GULP1: variants seen among roughly 807,000 people sequenced by gnomAD.
GULP1 encodes the protein PTB domain-containing engulfment adapter protein 1.
GULP1 carries 19 observed loss-of-function variants against 40.9 expected under a neutral mutation model. That is an observed-to-expected ratio of 0.46 (90% CI 0.32 to 0.68). The LOEUF is 0.68. Among genes scored for constraint, GULP1 ranks in the 30% least tolerant of loss-of-function variants. The pLI, the probability that GULP1 is intolerant of heterozygous loss-of-function variation, is 0.03. For missense variants in GULP1, 312 were observed against 362.2 expected (o/e 0.86, Z 1.12); for synonymous variants, 119 against 117.6 (o/e 1.01, Z -0.08).
intron 1 of GULP1, among the ~76,000 whole-genome samples, chr2:188,296,166 C>T (rs2034882203): frequency 6.6e-6 from 1 of 151,978 alleles, no homozygotes; most frequent in African/African-American, 2.4e-5. Flanking sequence ...GATCAGGAAA[C>T]TTAAGCTTTT....
chr2:188,580,555 A>C (rs1701098511), intron 9 of GULP1, among the ~76,000 whole-genome samples: 1 of 142,712 alleles, frequency 7.0e-6, no homozygotes. Context: ...TCCGTCTCAA[A>C]AAAAAAAAAA....
chr2:188,368,037 C>T (rs2047034306), intron 1 of GULP1, among the ~76,000 whole-genome samples: 1 of 151,912 alleles, frequency 6.6e-6, no homozygotes, highest in East Asian at 1.9e-4. Flanking sequence ...GCTTTCTATC[C>T]CTTCCTCTTC....
chr2:188,527,041 T>C (rs904228418), intron 5 of GULP1, among the ~76,000 whole-genome samples: 2 of 152,148 alleles, frequency 1.3e-5, no homozygotes, highest in Admixed American at 6.6e-5. Context: ...TCTCATTCTG[T>C]CCTTCTTCCC....
chr2:188,381,101 A>T (rs2048949638), intron 1 of GULP1, among the ~76,000 whole-genome samples: 1 of 152,092 alleles, frequency 6.6e-6, no homozygotes, highest in Non-Finnish European at 1.5e-5. Context: ...TTAAAATAAA[A>T]ATATGTTCAA....
chr2:188,587,773 T>G, intron 10 of GULP1, 82 bp from the exon 11 acceptor site: 1 of 754,860 alleles, frequency 1.3e-6, no homozygotes, highest in Admixed American at 2.2e-5. Context: ...AATATTCATT[T>G]ATATAATCCT....
chr2:188,428,576 G>A (rs943009949), intron 2 of GULP1, among the ~76,000 whole-genome samples: 3 of 152,056 alleles, frequency 2.0e-5, no homozygotes, highest in Non-Finnish European at 2.9e-5. Context: ...AAAGTGTATG[G>A]CACCTCGTTC....
intron 1 of GULP1, among the ~76,000 whole-genome samples, chr2:188,325,549 T>C (rs2040634645): frequency 6.6e-6 from 1 of 152,092 alleles, no homozygotes; most frequent in Non-Finnish European, 1.5e-5. Flanking sequence ...TGAATTTACT[T>C]TTTCATTATT....
intron 4 of GULP1, among the ~76,000 whole-genome samples, chr2:188,498,446 T>A (rs1216487828): frequency 6.6e-6 from 1 of 151,952 alleles, no homozygotes; most frequent in Non-Finnish European, 1.5e-5. Flanking sequence ...ATAGTCTTTT[T>A]GTGATCATTC....
intron 3 of GULP1, among the ~76,000 whole-genome samples, chr2:188,482,457 T>C (rs919374949): frequency 1.3e-5 from 2 of 151,822 alleles, no homozygotes; most frequent in African/African-American, 4.8e-5. Context: ...TAATACTGAT[T>C]CCAAATTTTA....
chr2:188,421,573 C>G (rs1291969669), intron 2 of GULP1, among the ~76,000 whole-genome samples: 2 of 152,024 alleles, frequency 1.3e-5, no homozygotes, highest in African/African-American at 4.8e-5. Context: ...TTTGAGTGCC[C>G]AATATGTGTC....
At chr2:188,357,403 T>C (rs751296441) in intron 1 of GULP1, among the ~76,000 whole-genome samples, 5 of 152,160 alleles carry the variant, frequency 3.3e-5, no homozygotes, top group Non-Finnish European at 7.4e-5. Flanking sequence ...GACTAGACAT[T>C]TCTCAAAAGA....
At position 188,524,753 on chromosome 2, in the gene GULP1, G is replaced by T. The variant is rs1050511700; in HGVS notation, c.162+1926G>T. 2.0e-5 allele frequency among the ~76,000 whole-genome samples: 3 copies of T among 151,208 alleles called. No homozygotes were observed. In the East Asian group the frequency reaches 5.8e-4, roughly 29 times the overall value. ...CTCTACTAAAAAAAAAGAGAAAAAAGAACCTTGCTCTTTGATCATACTTAC... is the reference window on the plus strand; with the variant it reads ...CTCTACTAAAAAAAAAGAGAAAAAATAACCTTGCTCTTTGATCATACTTAC... On this transcript the variant is annotated intron_variant, in intron 5 of 11. Transcript: ENST00000409830.
At position 188,363,342 on chromosome 2, in the gene GULP1, A is replaced by G. The variant is rs143273795; in HGVS notation, c.-171-20421A>G. On this transcript the variant is annotated intron_variant, in intron 1 of 11. Transcript: ENST00000409830. ...AATAATTTGTAGCCCTTAGAGTCCA[A>G]TGGATTGGAACTAGCAAAAGCAATG... 2.2e-3 allele frequency among the ~76,000 whole-genome samples: 330 copies of G among 152,204 alleles called. 5 individuals carry two copies. The highest frequency in any genetic ancestry group is 7.3e-3 in the African/African-American group (304 of 41,530).
intron 1 of GULP1, among the ~76,000 whole-genome samples, chr2:188,296,059 T>C (rs1304332398): frequency 6.6e-6 from 1 of 152,104 alleles, no homozygotes; most frequent in Non-Finnish European, 1.5e-5. Context: ...AATTCAAAGA[T>C]AGTTACAGAA....
intron 6 of GULP1, among the ~76,000 whole-genome samples, chr2:188,536,850 A>AT (rs1380918606): frequency 6.6e-6 from 1 of 151,806 alleles, no homozygotes; most frequent in Non-Finnish European, 1.5e-5. Context: ...GTCATCTTTG[A>AT]TTTTTTTCCA....
chr2:188,558,166 C>T (rs543632550), intron 7 of GULP1, among the ~76,000 whole-genome samples: 8 of 151,784 alleles, frequency 5.3e-5, no homozygotes, highest in Admixed American at 2.6e-4. Context: ...GCCAGTGATA[C>T]GGTTTGGCTC....
intron 4 of GULP1, among the ~76,000 whole-genome samples, chr2:188,493,320 A>C (rs995858011): frequency 2.6e-5 from 4 of 151,920 alleles, no homozygotes; most frequent in Admixed American, 2.0e-4. Context: ...AATCCATCCC[A>C]ATTTCCCTCC....
chr2:188,527,073 A>C (rs1352557408), intron 5 of GULP1, among the ~76,000 whole-genome samples: 1 of 150,528 alleles, frequency 6.6e-6, no homozygotes, highest in Non-Finnish European at 1.5e-5. Flanking sequence ...CTTCCTCCCC[A>C]CTCCCTTCTT....
At chr2:188,364,470 C>T (rs2046482740) in intron 1 of GULP1, among the ~76,000 whole-genome samples, 1 of 152,104 alleles carries the variant, frequency 6.6e-6, no homozygotes, top group African/African-American at 2.4e-5. Flanking sequence ...CATTCTGTCT[C>T]CAGGGAAGGA....
Sources: gnomAD v4.1 joint callset for allele counts (sites outside exome capture counted in the v4.1 genomes callset) on GRCh38, gnomAD v4.1.1 for gene constraint, MANE v1.5 for transcripts, NCBI Gene and HGNC (gene_info 2026-07-23, HGNC 2026-07-21) for gene names.